XRCC4: variants seen among roughly 807,000 people sequenced by gnomAD.
XRCC4 encodes X-ray repair cross complementing 4.
A neutral mutation model predicts 39.1 loss-of-function variants in XRCC4; 28 were observed. The ratio of observed to expected loss-of-function variants is 0.72; its 90% confidence interval spans 0.53 to 0.98. The LOEUF (loss-of-function observed/expected upper bound fraction) is 0.98. Ranked by LOEUF, XRCC4 falls within the 50% of genes least tolerant of loss-of-function variation. The pLI, the probability that XRCC4 is intolerant of heterozygous loss-of-function variation, is 0.00. For missense variants in XRCC4, 350 were observed against 376.4 expected, an observed-to-expected ratio of 0.93 and a Z score of 0.58; for synonymous variants, 123 against 126.4, an observed-to-expected ratio of 0.97 and a Z score of 0.18.
intron 3 of XRCC4, among the ~76,000 whole-genome samples, chr5:83,189,589 T>C (rs1393707831): frequency 6.6e-6 from 1 of 152,202 alleles, no homozygotes; most frequent in Non-Finnish European, 1.5e-5. Flanking sequence ...ATGTTGTAGT[T>C]GGGAAGATGA....
intron 7 of XRCC4, among the ~76,000 whole-genome samples, chr5:83,346,577 T>A (rs1028624939): frequency 2.6e-5 from 4 of 151,730 alleles, no homozygotes; most frequent in Non-Finnish European, 4.4e-5. Context: ...TTGAAAACAT[T>A]AGGTAAAGTA....
chr5:83,127,880 C>CTTTTTTTTTTTT (rs59797411), intron 3 of XRCC4, among the ~76,000 whole-genome samples: 1 of 134,148 alleles, frequency 7.5e-6, no homozygotes, highest in African/African-American at 2.7e-5. Context: ...TCTAAGTTGA[C>CTTTTTTTTTTTT]TTTTTTTTTT....
intron 3 of XRCC4, among the ~76,000 whole-genome samples, chr5:83,154,205 A>T (rs1748849430): frequency 6.6e-6 from 1 of 152,206 alleles, no homozygotes; most frequent in Non-Finnish European, 1.5e-5. Context: ...ATCCTAGAAA[A>T]TAACTGTTGT....
At chr5:83,220,808 A>G (rs1214982612) in intron 6 of XRCC4, among the ~76,000 whole-genome samples, 2 of 152,222 alleles carry the variant, frequency 1.3e-5, no homozygotes, top group East Asian at 3.8e-4. Flanking sequence ...TGATGGTCAC[A>G]TTGCTTTTCG....
chr5:83,351,694 C>T (rs1458549773), intron 7 of XRCC4, among the ~76,000 whole-genome samples: 1 of 152,060 alleles, frequency 6.6e-6, no homozygotes, highest in Non-Finnish European at 1.5e-5. Flanking sequence ...GCATTAATGC[C>T]TAGCACCTTG....
chr5:83,222,164 G>T (rs1446875828), intron 6 of XRCC4, among the ~76,000 whole-genome samples: 4 of 151,726 alleles, frequency 2.6e-5, no homozygotes, highest in Non-Finnish European at 4.4e-5. Context: ...TACAGTTCAT[G>T]AAGTTAATTA....
intron 7 of XRCC4, among the ~76,000 whole-genome samples, chr5:83,343,038 T>C (rs973795248): frequency 5.9e-5 from 9 of 151,744 alleles, no homozygotes; most frequent in African/African-American, 2.2e-4. Flanking sequence ...TTTGATTTGA[T>C]ATGTCCTAAA....
intron 1 of XRCC4, among the ~76,000 whole-genome samples, chr5:83,098,198 C>A (rs1055439049): frequency 6.6e-6 from 1 of 152,100 alleles, no homozygotes; most frequent in Non-Finnish European, 1.5e-5. Context: ...GTGACCTCAA[C>A]CAAGAGGCCT....
intron 7 of XRCC4, among the ~76,000 whole-genome samples, chr5:83,274,466 G>C (rs566625999): frequency 9.2e-5 from 14 of 152,242 alleles, no homozygotes; most frequent in Admixed American, 5.9e-4. Context: ...CAGTGACTTA[G>C]GCACAGAGGA....
chr5:83,195,419 A>G (rs886883047), intron 3 of XRCC4, among the ~76,000 whole-genome samples: 3 of 152,176 alleles, frequency 2.0e-5, no homozygotes, highest in African/African-American at 7.2e-5. Flanking sequence ...AAATTATCAT[A>G]TATAATTCCT....
chr5:83,359,810 C>T, the XRCC4 span, among the ~76,000 whole-genome samples: 1 of 151,982 alleles, frequency 6.6e-6, no homozygotes, highest in Non-Finnish European at 1.5e-5. Context: ...CTGGTAGAGA[C>T]AATTAAACTT....
At chr5:83,313,953 C>A (rs1755794446) in intron 7 of XRCC4, among the ~76,000 whole-genome samples, 1 of 152,050 alleles carries the variant, frequency 6.6e-6, no homozygotes, top group Non-Finnish European at 1.5e-5. Flanking sequence ...TTAATTACTA[C>A]ATAGCTTTCT....
At chr5:83,278,505 T>A (rs1157510787) in intron 7 of XRCC4, among the ~76,000 whole-genome samples, 1 of 152,208 alleles carries the variant, frequency 6.6e-6, no homozygotes, top group Non-Finnish European at 1.5e-5. Flanking sequence ...TTGTGTCTGA[T>A]GAGGGCTTTC....
intron 3 of XRCC4, among the ~76,000 whole-genome samples, chr5:83,194,952 T>C (rs1446315833): frequency 6.6e-6 from 1 of 152,186 alleles, no homozygotes; most frequent in African/African-American, 2.4e-5. Flanking sequence ...TTGCTACACT[T>C]GAGTTACACT....
intron 6 of XRCC4, among the ~76,000 whole-genome samples, chr5:83,225,050 T>G (rs967445789): frequency 2.0e-5 from 3 of 152,208 alleles, no homozygotes; most frequent in East Asian, 3.8e-4. Context: ...TTATGCACAC[T>G]TGATAAGACA....
At chr5:83,298,444 G>C (rs2112993263) in intron 7 of XRCC4, among the ~76,000 whole-genome samples, 1 of 151,952 alleles carries the variant, frequency 6.6e-6, no homozygotes, top group South Asian at 2.1e-4. Flanking sequence ...TTATCTTCCT[G>C]AAGAAGAGAA....
At chr5:83,186,712 A>C (rs1024322965) in intron 3 of XRCC4, among the ~76,000 whole-genome samples, 33 of 152,200 alleles carry the variant, frequency 2.2e-4, no homozygotes, top group African/African-American at 8.0e-4. Flanking sequence ...CAATTGCTAC[A>C]GTAGCAAATT....
intron 7 of XRCC4, among the ~76,000 whole-genome samples, chr5:83,277,061 T>C (rs975905815): frequency 9.0e-6 from 1 of 111,082 alleles, no homozygotes; most frequent in African/African-American, 2.6e-5. Flanking sequence ...TATATTGAAC[T>C]CATCTATCTA....
chr5:83,200,070 T>C (rs1751119342), intron 4 of XRCC4, among the ~76,000 whole-genome samples: 1 of 152,136 alleles, frequency 6.6e-6, no homozygotes, highest in Non-Finnish European at 1.5e-5. Flanking sequence ...CTGTCCAATT[T>C]CTTGAGGCAT....
Sources: allele counts gnomAD v4.1 joint callset (sites outside exome capture counted in the v4.1 genomes callset), GRCh38; gene constraint gnomAD v4.1.1; transcripts MANE v1.5; gene names NCBI Gene and HGNC (gene_info 2026-07-23, HGNC 2026-07-21).